MACROD2: variants seen among roughly 807,000 people sequenced by gnomAD.
MACROD2 encodes the protein ADP-ribose glycohydrolase MACROD2.
In MACROD2, 36 loss-of-function variants were observed where a neutral mutation model predicts 70.4. That is an observed-to-expected ratio of 0.51 (90% CI 0.39 to 0.68). The LOEUF is 0.68. Among genes scored for constraint, MACROD2 ranks in the 30% least tolerant of loss-of-function variants. MACROD2 has a pLI of 0.00. For synonymous variants in MACROD2, 172 were observed against 178.8 expected (o/e 0.96, Z 0.30); for missense variants, 496 against 538.4 (o/e 0.92, Z 0.78).
chr20:15,409,970 T>G (rs1350554950), intron 6 of MACROD2, among the ~76,000 whole-genome samples: 2 of 152,214 alleles, frequency 1.3e-5, no homozygotes, highest in African/African-American at 2.4e-5. Flanking sequence ...CCTGGGATAT[T>G]AAACTGGCTG....
At chr20:14,069,486 T>C (rs370454470) in intron 2 of MACROD2, among the ~76,000 whole-genome samples, 1 of 151,770 alleles carries the variant, frequency 6.6e-6, no homozygotes, top group East Asian at 1.9e-4. Flanking sequence ...CTCAGTTATG[T>C]TGCCTGTCTG....
intron 4 of MACROD2, among the ~76,000 whole-genome samples, chr20:14,583,995 C>T (rs1382800450): frequency 1.3e-5 from 2 of 152,092 alleles, no homozygotes; most frequent in Non-Finnish European, 2.9e-5. Context: ...CTGTTCTGCT[C>T]CTCCTTCCCC....
At chr20:14,739,139 T>C (rs975395597) in intron 5 of MACROD2, among the ~76,000 whole-genome samples, 2 of 152,042 alleles carry the variant, frequency 1.3e-5, no homozygotes, top group Non-Finnish European at 2.9e-5. Context: ...GAGGAAATAA[T>C]TTAGCAATGT....
chr20:15,185,414 T>G (rs1351701758), intron 5 of MACROD2, among the ~76,000 whole-genome samples: 1 of 152,206 alleles, frequency 6.6e-6, no homozygotes, highest in Non-Finnish European at 1.5e-5. Context: ...CATTTAGCCC[T>G]AAATTACAGT....
chr20:14,977,164 C>A (rs894943396), intron 5 of MACROD2, among the ~76,000 whole-genome samples: 1 of 152,060 alleles, frequency 6.6e-6, no homozygotes, highest in Non-Finnish European at 1.5e-5. Flanking sequence ...AGGAAAAAAT[C>A]TGCTTTGTTT....
intron 8 of MACROD2, among the ~76,000 whole-genome samples, chr20:15,768,647 G>A (rs11699695): frequency 0.17 from 26,236 of 152,058 alleles, 2,329 homozygotes; most frequent in Middle Eastern, 0.31. Context: ...ATTATTTACT[G>A]TAACACATTT....
intron 9 of MACROD2, among the ~76,000 whole-genome samples, chr20:15,870,864 C>T (rs1309377392): frequency 3.3e-5 from 5 of 152,134 alleles, no homozygotes; most frequent in African/African-American, 9.7e-5. Flanking sequence ...TATAGCACTG[C>T]TTTTTACGTA....
At chr20:14,482,353 A>G (rs2084672521) in intron 3 of MACROD2, among the ~76,000 whole-genome samples, 3 of 152,190 alleles carry the variant, frequency 2.0e-5, no homozygotes, top group Non-Finnish European at 4.4e-5. Flanking sequence ...GAAAGTCTTC[A>G]TATACTACAG....
intron 6 of MACROD2, among the ~76,000 whole-genome samples, chr20:15,430,001 C>T (rs2046344762): frequency 6.6e-6 from 1 of 152,062 alleles, no homozygotes; most frequent in Non-Finnish European, 1.5e-5. Flanking sequence ...TTAGCTACCA[C>T]TAAAATGAGA....
chr20:15,575,627 C>T (rs2146635688), intron 8 of MACROD2, among the ~76,000 whole-genome samples: 2 of 152,222 alleles, frequency 1.3e-5, no homozygotes, highest in South Asian at 4.1e-4. Context: ...TTATGAAAGG[C>T]ATTTGTAATA....
At chr20:14,041,722 TAG>T (rs2053393751) in intron 2 of MACROD2, among the ~76,000 whole-genome samples, 1 of 152,166 alleles carries the variant, frequency 6.6e-6, no homozygotes, top group Non-Finnish European at 1.5e-5. Flanking sequence ...TCACCTAGCT[TAG>T]AGATGTCAGG....
chr20:15,161,684 T>C (rs2076349515), intron 5 of MACROD2, among the ~76,000 whole-genome samples: 1 of 152,044 alleles, frequency 6.6e-6, no homozygotes, highest in Non-Finnish European at 1.5e-5. Flanking sequence ...TTACATTTTA[T>C]TTTCTCAAGA....
At chr20:15,025,886 G>A (rs151038014) in intron 5 of MACROD2, among the ~76,000 whole-genome samples, 1 of 152,266 alleles carries the variant, frequency 6.6e-6, no homozygotes, top group African/African-American at 2.4e-5. Flanking sequence ...TCCATATATG[G>A]TAATGCATTA....
At chr20:14,970,999 G>A (rs1007691625) in intron 5 of MACROD2, among the ~76,000 whole-genome samples, 4 of 152,170 alleles carry the variant, frequency 2.6e-5, no homozygotes, top group Admixed American at 2.6e-4. Flanking sequence ...CTGAATACAG[G>A]CATCCCTTTG....
chr20:14,044,995 C>T (rs1030938553), intron 2 of MACROD2, among the ~76,000 whole-genome samples: 7 of 152,200 alleles, frequency 4.6e-5, no homozygotes, highest in Non-Finnish European at 8.8e-5. Context: ...TAAGGCCCGG[C>T]GAGAAATTGA....
intron 4 of MACROD2, among the ~76,000 whole-genome samples, chr20:14,565,385 A>G (rs1194602260): frequency 6.6e-6 from 1 of 151,892 alleles, no homozygotes; most frequent in African/African-American, 2.4e-5. Context: ...TAACACTTTC[A>G]TCACCACAAG....
At chr20:15,749,149 T>C (rs976042430) in intron 8 of MACROD2, among the ~76,000 whole-genome samples, 21 of 152,172 alleles carry the variant, frequency 1.4e-4, no homozygotes, top group African/African-American at 4.6e-4. Flanking sequence ...AACATCTTGC[T>C]TTCTTAAGGA....
chr20:14,987,565 A>G (rs544742931), intron 5 of MACROD2, among the ~76,000 whole-genome samples: 2 of 152,200 alleles, frequency 1.3e-5, no homozygotes, highest in Non-Finnish European at 2.9e-5. Flanking sequence ...GATTTTTGAA[A>G]GTACACTGAG....
intron 5 of MACROD2, among the ~76,000 whole-genome samples, chr20:15,007,369 C>T (rs1438711900): frequency 6.8e-6 from 1 of 147,830 alleles, no homozygotes; most frequent in Non-Finnish European, 1.5e-5. Flanking sequence ...ATCTCAAAAA[C>T]AAAAACAAAC....
Sources: gnomAD v4.1 joint callset for allele counts (sites outside exome capture counted in the v4.1 genomes callset) on GRCh38, gnomAD v4.1.1 for gene constraint, MANE v1.5 for transcripts, NCBI Gene and HGNC (gene_info 2026-07-23, HGNC 2026-07-21) for gene names.